PAPPA2: variants seen among roughly 807,000 people sequenced by gnomAD.
The protein encoded by PAPPA2 is pappalysin-2.
A neutral mutation model predicts 176.4 loss-of-function variants in PAPPA2; 86 were observed. The observed-to-expected ratio is 0.49, with a 90% CI of 0.41 to 0.58. The LOEUF (loss-of-function observed/expected upper bound fraction) is 0.58, where lower values mean the gene tolerates loss of function less well. Among genes scored for constraint, PAPPA2 ranks in the 20% least tolerant of loss-of-function variants. The pLI is 0.00. For synonymous variants in PAPPA2, 809 were observed against 852.2 expected (o/e 0.95, Z 0.88); for missense variants, 2,073 against 2,256.9 (o/e 0.92, Z 1.65).
At chr1:176,727,767 TG>T (rs1250933142) in intron 12 of PAPPA2, among the ~76,000 whole-genome samples, 1 of 152,158 alleles carries the variant, frequency 6.6e-6, no homozygotes, top group African/African-American at 2.4e-5. Context: ...AGAATGCTCA[TG>T]GTACTTCACC....
intron 1 of PAPPA2, among the ~76,000 whole-genome samples, chr1:176,540,396 G>A (rs1016994537): frequency 6.6e-5 from 10 of 152,212 alleles, no homozygotes; most frequent in Admixed American, 2.0e-4. Flanking sequence ...TGATTACTGC[G>A]TGAAGAGTTG....
At chr1:176,483,951 G>T (rs1652528661) in intron 1 of PAPPA2, among the ~76,000 whole-genome samples, 1 of 152,136 alleles carries the variant, frequency 6.6e-6, no homozygotes, top group Admixed American at 6.6e-5. Flanking sequence ...AGTTGCTCAG[G>T]CCAAAACAGT....
rs1283540883 is a variant in PAPPA2 at position 176,750,553 on chromosome 1, C to T, written c.4151+10357C>T. ...CCGGGATGCGGAGGTTGCAGTGAACCGAGATCGCACCACTGCACTCCAGCC... is the reference window on the plus strand; with the variant it reads ...CCGGGATGCGGAGGTTGCAGTGAACTGAGATCGCACCACTGCACTCCAGCC... On this transcript the variant is annotated intron_variant, in intron 14 of 22. Coordinates refer to ENST00000367662, the MANE Select transcript of PAPPA2 (RefSeq NM_020318.3). 5.9e-5 allele frequency among the ~76,000 whole-genome samples: 9 copies of T among 151,946 alleles called. No homozygotes were observed. The East Asian group carries it at 7.7e-4, about 13-fold the overall frequency.
intron 3 of PAPPA2, among the ~76,000 whole-genome samples, chr1:176,642,455 A>T (rs1056501705): frequency 3.3e-5 from 5 of 151,788 alleles, no homozygotes; most frequent in Admixed American, 3.3e-4. Flanking sequence ...TGGGTGGAAA[A>T]CTACCAGTAG....
Position 176,479,157 on chromosome 1 carries a change from GAGGAAACTA to G in PAPPA2, c.-917+15743_-917+15751del, listed in dbSNP as rs199655833. On this transcript the variant is annotated intron_variant, in intron 1 of 22. Coordinates refer to ENST00000367662, the MANE Select transcript of PAPPA2 (RefSeq NM_020318.3). ...ATACTATTATCCCCATTTTGAAGATGAGGAAACTAAGGCACTGAGAGGTGAAATAATTTT... is the reference window on the plus strand; with the variant it reads ...ATACTATTATCCCCATTTTGAAGATGAGGCACTGAGAGGTGAAATAATTTT... Among the ~76,000 whole-genome samples the G allele has an allele frequency of 8.5e-3, 1,291 of 152,272 alleles. 10 individuals are homozygous for G. The highest frequency in any genetic ancestry group is 0.013 in the Non-Finnish European group (918 of 68,024).
intron 3 of PAPPA2, among the ~76,000 whole-genome samples, chr1:176,631,690 G>A (rs548502464): frequency 6.6e-6 from 1 of 152,214 alleles, no homozygotes; most frequent in South Asian, 2.1e-4. Context: ...GTGATAAGGA[G>A]GAGTGAAATA....
intron 17 of PAPPA2, among the ~76,000 whole-genome samples, chr1:176,782,867 A>G (rs1337475115): frequency 6.6e-6 from 1 of 152,122 alleles, no homozygotes; most frequent in Non-Finnish European, 1.5e-5. Flanking sequence ...TCCAGTTAAG[A>G]GGTGAGAGTT....
At chr1:176,674,965 T>G (rs780088980) in intron 4 of PAPPA2, among the ~76,000 whole-genome samples, 6 of 152,016 alleles carry the variant, frequency 3.9e-5, no homozygotes, top group Non-Finnish European at 5.9e-5. Context: ...TTAAAAAAAT[T>G]ATGGCCTTTC....
At chr1:176,727,482 TAAATAGGTTAATTTCTA>T (rs1489941101) in intron 12 of PAPPA2, among the ~76,000 whole-genome samples, 2 of 152,102 alleles carry the variant, frequency 1.3e-5, no homozygotes, top group East Asian at 3.8e-4. Context: ...TTCATAATGA[TAAATAGGTTAATTTCTA>T]AAATAGACAT....
intron 1 of PAPPA2, among the ~76,000 whole-genome samples, chr1:176,469,799 C>T (rs1283500132): frequency 6.6e-6 from 1 of 152,166 alleles, no homozygotes; most frequent in Non-Finnish European, 1.5e-5. Context: ...ATCTGGGATG[C>T]GTCAGACACT....
rs200550154 is a variant in PAPPA2 at position 176,719,208 on chromosome 1, A to AG, written c.3798+7228dup. ...TTACAATTGCTTCGTGATATCTAAA[A>AG]GATTTTTTTTTTTTGCAACATTAAA... On this transcript the variant is annotated intron_variant, in intron 12 of 22. Transcript: ENST00000367662. Among the ~76,000 whole-genome samples, 132 of 150,610 alleles carry AG rather than the reference A, an allele frequency of 8.8e-4. 2 individuals are homozygous for AG. The highest frequency in any genetic ancestry group is 3.5e-3 in the Middle Eastern group (1 of 288).
At chr1:176,576,222 G>A (rs1335550944) in intron 2 of PAPPA2, among the ~76,000 whole-genome samples, 1 of 152,142 alleles carries the variant, frequency 6.6e-6, no homozygotes, top group African/African-American at 2.4e-5. Context: ...CTTTTCCCCA[G>A]TGTTGCCAAA....
chr1:176,813,900 G>A (rs1666274778), intron 21 of PAPPA2, among the ~76,000 whole-genome samples: 2 of 152,106 alleles, frequency 1.3e-5, no homozygotes, highest in South Asian at 4.2e-4. Context: ...TTTTCTTCTA[G>A]GGTTTTATAG....
chr1:176,618,055 A>G (rs1161046362), intron 3 of PAPPA2, among the ~76,000 whole-genome samples: 1 of 152,210 alleles, frequency 6.6e-6, no homozygotes, highest in Non-Finnish European at 1.5e-5. Flanking sequence ...GCTAGATGAC[A>G]TACTAAGTGT....
intron 14 of PAPPA2, among the ~76,000 whole-genome samples, chr1:176,742,772 C>T (rs1662743108): frequency 6.6e-6 from 1 of 152,166 alleles, no homozygotes; most frequent in Admixed American, 6.6e-5. Flanking sequence ...ATATAAAACC[C>T]TCAAATTCTG....
rs111806822 is a variant in PAPPA2, at chr1:176,801,105, GCACACACACACA to G, written c.5202+981_5202+992del. ...AGGAGATGCTTACACACACACACAC[GCACACACACACA>G]CACACACCATTTAAGCCCTCCCAAC... On this transcript the variant is annotated intron_variant, in intron 21 of 22. Coordinates refer to ENST00000367662, the MANE Select transcript of PAPPA2 (RefSeq NM_020318.3). Among the ~76,000 whole-genome samples the G allele has an allele frequency of 4.5e-3, 665 of 148,960 alleles. 7 individuals are homozygous for G. The highest frequency in any genetic ancestry group is 0.016 in the African/African-American group (633 of 40,744).
At chr1:176,823,847 G>C (rs553161456) in intron 21 of PAPPA2, among the ~76,000 whole-genome samples, 6 of 152,268 alleles carry the variant, frequency 3.9e-5, no homozygotes, top group Non-Finnish European at 5.9e-5. Context: ...CTCTGTAAGA[G>C]AGAAAAGAAG....
At chr1:176,518,886 C>T (rs1048999919) in intron 1 of PAPPA2, among the ~76,000 whole-genome samples, 3 of 151,560 alleles carry the variant, frequency 2.0e-5, no homozygotes, top group African/African-American at 7.3e-5. Context: ...ACTTAAAGGG[C>T]ACTTAAAAAA....
At chr1:176,593,865 A>G (rs1015853528) in intron 2 of PAPPA2, among the ~76,000 whole-genome samples, 19 of 152,246 alleles carry the variant, frequency 1.2e-4, no homozygotes, top group African/African-American at 4.3e-4. Flanking sequence ...TTTTTAGGCT[A>G]GGACCATGGG....
Sources: gnomAD v4.1 joint callset for allele counts (sites outside exome capture counted in the v4.1 genomes callset) on GRCh38, gnomAD v4.1.1 for gene constraint, MANE v1.5 for transcripts, NCBI Gene and HGNC (gene_info 2026-07-23, HGNC 2026-07-21) for gene names.